ZSCAN25: variants seen among roughly 807,000 people sequenced by gnomAD.
The protein encoded by ZSCAN25 is zinc finger and SCAN domain containing 25.
A neutral mutation model predicts 38.7 loss-of-function variants in ZSCAN25; 27 were observed. That is an observed-to-expected ratio of 0.70 (90% CI 0.51 to 0.96). The LOEUF is 0.96. Ranked by LOEUF, ZSCAN25 falls within the 40% of genes least tolerant of loss-of-function variation. The pLI is 0.00. For missense variants in ZSCAN25, 637 were observed against 705.9 expected (o/e 0.90, Z 1.11); for synonymous variants, 273 against 277.7 (o/e 0.98, Z 0.17).
At chr7:99,636,050 A>C (rs1808271066), downstream of ZSCAN25, among the ~76,000 whole-genome samples, 1 of 147,040 alleles carries the variant, frequency 6.8e-6, no homozygotes, top group Non-Finnish European at 1.5e-5. Flanking sequence ...CCATCTCAAA[A>C]AAAAAAAAAA....
At position 99,621,571 on chromosome 7, in the gene ZSCAN25, C is replaced by T. The variant is rs1159518676; in HGVS notation, c.586C>T (p.Gln196Ter). The change falls in exon 5 of 8, where the codon CAA becomes TAA. Residue 196 changes from glutamine (Q) to a stop codon, truncating the protein, a stop_gained. Transcript: ENST00000394152. LOFTEE classifies it high-confidence loss of function. ...PGDETRAFQE[Q>*]ALPVLQAGPG... is the part of the protein sequence containing the mutation. ...AGATGAGACACGGGCCTTCCAGGAG[C>T]AAGGTGAGTAAGACGCAGATAGTGG... The T allele has an allele frequency of 1.4e-6, 2 of 1,448,268 alleles. No homozygotes were observed. The highest frequency in any genetic ancestry group is 1.8e-6 in the Non-Finnish European group (2 of 1,084,248). 89.7% of individuals were successfully genotyped at this position (1,448,268 alleles called of 1,614,324 possible).
chr7:99,697,078 A>T, the ZSCAN25 span, among the ~76,000 whole-genome samples: 1 of 152,226 alleles, frequency 6.6e-6, no homozygotes, highest in Non-Finnish European at 1.5e-5. Context: ...TTTATAAATT[A>T]CCCAGCCTCA....
chr7:99,708,329 A>G, the ZSCAN25 span, among the ~76,000 whole-genome samples: 1 of 152,194 alleles, frequency 6.6e-6, no homozygotes, highest in African/African-American at 2.4e-5. Flanking sequence ...TCCTGCCTCA[A>G]GTCACCCTTA....
At chr7:99,717,346 A>G in the ZSCAN25 span, 2 of 1,607,772 alleles carry the variant, frequency 1.2e-6, no homozygotes, top group Non-Finnish European at 8.5e-7. Context: ...CTGGCATGGA[A>G]CAATAAGTGA....
At chr7:99,677,092 C>A in the ZSCAN25 span, 1 of 776,710 alleles carries the variant, frequency 1.3e-6, no homozygotes, top group Non-Finnish European at 1.6e-6. Flanking sequence ...CGTGAAGTAT[C>A]TCTGAGGAAA....
At chr7:99,652,608 C>T in the ZSCAN25 span, 1 of 1,614,014 alleles carries the variant, frequency 6.2e-7, no homozygotes, top group African/African-American at 1.3e-5. Flanking sequence ...TGGTGAAGAG[C>T]ATAAGTTGGA....
At chr7:99,665,798 T>C in the ZSCAN25 span, among the ~76,000 whole-genome samples, 7 of 152,222 alleles carry the variant, frequency 4.6e-5, no homozygotes, top group Non-Finnish European at 8.8e-5. Flanking sequence ...CCTAGAAATA[T>C]CATCCTTTAT....
the ZSCAN25 span, chr7:99,663,566 T>C: frequency 2.0e-6 from 2 of 993,890 alleles, no homozygotes; most frequent in Admixed American, 1.2e-4. Flanking sequence ...GGACCTTTAA[T>C]TGCAGAATAT....
the ZSCAN25 span, among the ~76,000 whole-genome samples, chr7:99,687,049 TA>T: frequency 1.3e-5 from 2 of 151,460 alleles, no homozygotes; most frequent in African/African-American, 4.9e-5. Flanking sequence ...AGACCAAAAG[TA>T]GATAAAACCA....
chr7:99,729,724 C>T, the ZSCAN25 span, among the ~76,000 whole-genome samples: 1 of 152,158 alleles, frequency 6.6e-6, no homozygotes. Context: ...CCCCACCATG[C>T]ACCTTGTGGC....
chr7:99,649,184 G>A, the ZSCAN25 span, among the ~76,000 whole-genome samples: 1 of 152,130 alleles, frequency 6.6e-6, no homozygotes, highest in Admixed American at 6.5e-5. Flanking sequence ...TGTGCCAGAG[G>A]CCCACTTTCT....
the ZSCAN25 span, among the ~76,000 whole-genome samples, chr7:99,705,867 G>A: frequency 6.6e-6 from 1 of 152,118 alleles, no homozygotes. Context: ...GGGAACCCGT[G>A]TTCTTTTTTG....
chr7:99,679,723 C>T, the ZSCAN25 span: 16 of 1,110,104 alleles, frequency 1.4e-5, no homozygotes, highest in Admixed American at 1.3e-4. Flanking sequence ...AGCTACTTCT[C>T]CTTGAACATC....
At chr7:99,645,969 A>G in the ZSCAN25 span, among the ~76,000 whole-genome samples, 54 of 152,046 alleles carry the variant, frequency 3.6e-4, no homozygotes, top group Non-Finnish European at 5.6e-4. Flanking sequence ...CCATTGGTCT[A>G]TGTGTCTGTT....
chr7:99,660,171 T>C, the ZSCAN25 span: 42 of 959,456 alleles, frequency 4.4e-5, no homozygotes, highest in East Asian at 4.1e-3. Context: ...CTGGGAGCTG[T>C]AGACTGGAGC....
chr7:99,715,967 C>A, the ZSCAN25 span: 4 of 1,611,384 alleles, frequency 2.5e-6, no homozygotes, highest in Middle Eastern at 2.1e-4. Flanking sequence ...TTCCTCTATG[C>A]GTGCAGCAGG....
chr7:99,688,506 A>G, the ZSCAN25 span, among the ~76,000 whole-genome samples: 1 of 152,224 alleles, frequency 6.6e-6, no homozygotes, highest in Non-Finnish European at 1.5e-5. Flanking sequence ...ATACAGGAGC[A>G]CCCAGATTCA....
At chr7:99,720,651 C>A in the ZSCAN25 span, 1 of 453,802 alleles carries the variant, frequency 2.2e-6, no homozygotes, top group Non-Finnish European at 4.0e-6. Flanking sequence ...GATTGAAAGA[C>A]AAAAGAGCTC....
At chr7:99,632,986 G>GTTGTTTTTTTTTTTTTTTTTTTTTTT (rs1808108383), downstream of ZSCAN25, among the ~76,000 whole-genome samples, 1 of 141,480 alleles carries the variant, frequency 7.1e-6, no homozygotes, top group African/African-American at 2.8e-5. Flanking sequence ...TGCATTTTCT[G>GTTGTTTTTTTTTTTTTTTTTTTTTTT]TTGTTTTTTT....
Sources: allele counts gnomAD v4.1 joint callset (sites outside exome capture counted in the v4.1 genomes callset), GRCh38; gene constraint gnomAD v4.1.1; transcripts MANE v1.5; gene names NCBI Gene and HGNC (gene_info 2026-07-23, HGNC 2026-07-21).